The following CACNA1I variants were observed in gnomAD, a reference collection of about 807,000 sequenced individuals.
CACNA1I encodes the protein voltage-dependent T-type calcium channel subunit alpha-1I.
A neutral mutation model predicts 201.6 loss-of-function variants in CACNA1I; 74 were observed. That is an observed-to-expected ratio of 0.37 (90% CI 0.30 to 0.45). The LOEUF (loss-of-function observed/expected upper bound fraction) is 0.45, where lower values mean the gene tolerates loss of function less well. Ranked by LOEUF, CACNA1I falls within the 20% of genes least tolerant of loss-of-function variation. The pLI is 1.00. For missense variants in CACNA1I, 2,346 were observed against 3,138.1 expected (o/e 0.75, Z 6.03); for synonymous variants, 1,431 against 1,345.2 (o/e 1.06, Z -1.40).
At chr22:39,651,776 A>T (rs979043347) in intron 10 of CACNA1I, among the ~76,000 whole-genome samples, 1 of 152,174 alleles carries the variant, frequency 6.6e-6, no homozygotes, top group African/African-American at 2.4e-5. Flanking sequence ...AAGAGTTGGG[A>T]GCTTGAAATT....
chr22:39,679,835 C>G lies in CACNA1I; in HGVS notation c.5508C>G (p.Ala1836=), dbSNP rs779513005. Residue 1836 remains alanine, a synonymous_variant, in exon 33 of 37, where the codon GCC becomes GCG. Coordinates refer to ENST00000402142, the MANE Select transcript of CACNA1I (RefSeq NM_021096.4). The part of the protein sequence containing the change: ...GSIFHHYSSP[A]GCKKCHHDKQ... ...TCTTCCACCACTACTCCTCGCCTGC[C>G]GGCTGCAAGAAGTGTCACCACGACA... is the stretch of plus-strand genomic sequence containing the variant. The G allele has an allele frequency of 1.6e-5, 25 of 1,612,690 alleles. No individual in the cohort carries two copies. The highest frequency in any genetic ancestry group is 1.8e-5 in the Non-Finnish European group (21 of 1,179,482).
At chr22:39,652,595 A>C (rs557554188) in intron 10 of CACNA1I, among the ~76,000 whole-genome samples, 2 of 152,140 alleles carry the variant, frequency 1.3e-5, no homozygotes, top group Non-Finnish European at 2.9e-5. Context: ...AATAGATCAC[A>C]TAACGTTTGG....
intron 2 of CACNA1I, among the ~76,000 whole-genome samples, chr22:39,599,199 C>T (rs1183585879): frequency 2.0e-5 from 3 of 148,184 alleles, no homozygotes; most frequent in African/African-American, 4.9e-5. Flanking sequence ...CTGCCTGCCT[C>T]GGCCTCCCAA....
chr22:39,620,050 TC>T lies in CACNA1I; in HGVS notation c.580+645del, dbSNP rs1569065428. 1.9e-4 allele frequency among the ~76,000 whole-genome samples: 19 copies of T among 99,864 alleles called. 3 individuals carry two copies. The highest frequency in any genetic ancestry group is 5.7e-4 in the Admixed American group (6 of 10,464). 65.5% of individuals were successfully genotyped at this position (99,864 alleles called of 152,430 possible). On this transcript the variant is annotated intron_variant, in intron 4 of 36. Transcript: ENST00000402142. ...ATCCATCCATCCATCCATCCATCCA[TC>T]CACCCACCCACCCATCCACCCACCC...
At chr22:39,577,597 C>T (rs1308368403) in intron 1 of CACNA1I, among the ~76,000 whole-genome samples, 2 of 152,238 alleles carry the variant, frequency 1.3e-5, no homozygotes, top group Non-Finnish European at 2.9e-5. Context: ...AGCTGTGAAC[C>T]TGGACTGCGC....
chr22:39,593,487 G>A (rs1932846178), intron 1 of CACNA1I, among the ~76,000 whole-genome samples: 1 of 152,234 alleles, frequency 6.6e-6, no homozygotes, highest in South Asian at 2.1e-4. Flanking sequence ...CTGCGAACTG[G>A]GCTCTGAAAC....
In CACNA1I at chr22:39,662,026, G is replaced by C. The variant is rs1257900893; in HGVS notation, c.2963G>C (p.Arg988Pro). Residue 988 changes from arginine (R) to proline (P), a missense_variant, in exon 17 of 37, where the codon CGC (arginine) becomes CCC (proline). Coordinates refer to ENST00000402142, the MANE Select transcript of CACNA1I (RefSeq NM_021096.4). ...CGCAGCGCGGCCTGGGCCAGCCGTC[G>C]CTCCAGCTGGAACAGCCTCAAGCAC... ...WGRSAAWASR[R>P]SSWNSLKHKP... 2 of 1,566,014 alleles carry C rather than the reference G, an allele frequency of 1.3e-6. No homozygotes were observed. Among genetic ancestry groups the C allele is most frequent in the Non-Finnish European group, 1.7e-6 (2 of 1,160,506 alleles).
At chr22:39,671,289 G>A (rs1038408052) in intron 26 of CACNA1I, among the ~76,000 whole-genome samples, 13 of 152,130 alleles carry the variant, frequency 8.5e-5, no homozygotes, top group African/African-American at 1.9e-4. Flanking sequence ...TTTAATCCTC[G>A]CAGCAATCCT....
chr22:39,593,474 G>A (rs1932845940), intron 1 of CACNA1I, among the ~76,000 whole-genome samples: 1 of 152,216 alleles, frequency 6.6e-6, no homozygotes, highest in Non-Finnish European at 1.5e-5. Context: ...AAGAAGAGGT[G>A]ACCTGCGAAC....
chr22:39,578,462 C>T (rs1932433823), intron 1 of CACNA1I, among the ~76,000 whole-genome samples: 1 of 152,126 alleles, frequency 6.6e-6, no homozygotes, highest in Non-Finnish European at 1.5e-5. Context: ...ACAGGCAGCT[C>T]CTGGGACCTT....
intron 5 of CACNA1I, 71 bp downstream of exon 5, chr22:39,634,795 C>A: frequency 6.8e-7 from 1 of 1,469,726 alleles, no homozygotes; most frequent in South Asian, 1.3e-5. Context: ...CCTTCTGGGT[C>A]ATTGGGAATC....
Position 39,649,387 on chromosome 22 carries a change from C to T in CACNA1I, c.1568-114C>T, listed in dbSNP as rs1934582776. ...TGACCGCCTTTCCAGGCTGGGTCGG[C>T]TGGTTCCAGGCAGACCTGTGGGCCT... is the stretch of plus-strand genomic sequence containing the variant. On this transcript the variant is annotated intron_variant, in intron 9 of 36. Coordinates refer to ENST00000402142, the MANE Select transcript of CACNA1I (RefSeq NM_021096.4). This position sits in a 1 kb window ranked among gnomAD's most constrained non-coding sequence, Gnocchi z 7.3. 2 of 1,133,034 alleles carry T rather than the reference C, an allele frequency of 1.8e-6. No individual in the cohort carries two copies. The allele number at this position is 1,133,034 out of a possible 1,614,324, so 70.2% of individuals were successfully genotyped here.
Position 39,619,370 on chromosome 22 carries a change from C to G in CACNA1I, c.543C>G (p.Arg181=). Reference sequence around the variant, plus strand: ...ACCTGTCAGCCATCCGCACCGTGCGCGTCCTGAGGCCCCTCAAAGCCATCA... The same window carrying G: ...ACCTGTCAGCCATCCGCACCGTGCGGGTCCTGAGGCCCCTCAAAGCCATCA... ...NINLSAIRTV[R]VLRPLKAINR... The change falls in exon 4 of 37, where the codon CGC becomes CGG. Residue 181 remains arginine, a synonymous_variant. Transcript: ENST00000402142. 1 of 1,609,542 alleles carries G rather than the reference C, an allele frequency of 6.2e-7. No homozygotes were observed. Among genetic ancestry groups the G allele is most frequent in the Non-Finnish European group, 8.5e-7 (1 of 1,179,756 alleles).
In CACNA1I at chr22:39,629,010, C is replaced by G. The variant is rs1320710608; in HGVS notation, c.581-5555C>G. Among the ~76,000 whole-genome samples, 2 of 152,162 alleles carry G rather than the reference C, an allele frequency of 1.3e-5. No individual in the cohort carries two copies. Among genetic ancestry groups the G allele is most frequent in the Non-Finnish European group, 2.9e-5 (2 of 68,018 alleles). On this transcript the variant is annotated intron_variant, in intron 4 of 36. Coordinates refer to ENST00000402142, the MANE Select transcript of CACNA1I (RefSeq NM_021096.4). This position sits in a 1 kb window ranked among gnomAD's most constrained non-coding sequence, Gnocchi z 4.8. The stretch of plus-strand genomic sequence containing the variant: ...CAGGAAGTGCTTCCTGTTCTTCCTG[C>G]CACCTCCTCTCAGGTGTCCCCACTG...
chr22:39,623,648 G>GT (rs1476841278), intron 4 of CACNA1I, among the ~76,000 whole-genome samples: 2 of 145,348 alleles, frequency 1.4e-5, no homozygotes, highest in African/African-American at 5.1e-5. Flanking sequence ...GCCTGTGTGT[G>GT]TATGTGTGCT....
Position 39,677,220 on chromosome 22 carries a change from T to C in CACNA1I, c.4855-121T>C, listed in dbSNP as rs982856873. Reference sequence around the variant, plus strand: ...GACGTGGACACACAGCCTGGGGGAATGTTACAGCTGCTCTGACCCACAGGC... The same window carrying C: ...GACGTGGACACACAGCCTGGGGGAACGTTACAGCTGCTCTGACCCACAGGC... On this transcript the variant is annotated intron_variant, in intron 29 of 36. Coordinates refer to ENST00000402142, the MANE Select transcript of CACNA1I (RefSeq NM_021096.4). This position sits in a 1 kb window ranked among gnomAD's most constrained non-coding sequence, Gnocchi z 4.8. 8 of 650,694 alleles carry C rather than the reference T, an allele frequency of 1.2e-5. No individual in the cohort carries two copies. The highest frequency in any genetic ancestry group is 1.2e-4 in the Admixed American group (5 of 41,960). The allele number at this position is 650,694 out of a possible 1,614,324, so 40.3% of individuals were successfully genotyped here.
chr22:39,625,259 G>T (rs1933866241), intron 4 of CACNA1I, among the ~76,000 whole-genome samples: 1 of 152,154 alleles, frequency 6.6e-6, no homozygotes, highest in Non-Finnish European at 1.5e-5. Flanking sequence ...TTTCTAGAGG[G>T]CAAGCTAGAG....
At chr22:39,660,102 C>T (rs529162249) in intron 14 of CACNA1I, among the ~76,000 whole-genome samples, 3 of 152,148 alleles carry the variant, frequency 2.0e-5, no homozygotes, top group Non-Finnish European at 4.4e-5. Flanking sequence ...GATTCGAAAT[C>T]CCCCAAGATT....
rs775267956 is a variant in CACNA1I at position 39,649,675 on chromosome 22, G to A, written c.1742G>A (p.Ser581Asn). The A allele has an allele frequency of 5.9e-6, 9 of 1,514,542 alleles. No homozygotes were observed. The Admixed American group carries it at 1.2e-4, about 21-fold the overall frequency. 93.8% of individuals were successfully genotyped at this position (1,514,542 alleles called of 1,614,324 possible). The part of the protein sequence containing the change: ...DSGQEGSGSG[S>N]SAGGEDEADG... ...GGCCAGGAGGGCTCGGGCTCCGGGA[G>A]CTCCGCTGGTGGCGAGGACGAGGCG... The change falls in exon 10 of 37, where the codon AGC (serine) becomes AAC (asparagine). Residue 581 changes from serine to asparagine, a missense_variant. Transcript: ENST00000402142. The surrounding 1 kb of genome is among the most constrained non-coding windows in gnomAD (Gnocchi z 7.3).
Sources: gnomAD v4.1 joint callset for allele counts (sites outside exome capture counted in the v4.1 genomes callset) on GRCh38, gnomAD v4.1.1 for gene constraint, Gnocchi (gnomAD v3.1) non-coding constraint, MANE v1.5 for transcripts, NCBI Gene and HGNC (gene_info 2026-07-23, HGNC 2026-07-21) for gene names.